Variants in CSMD1 observed in about 807,000 individuals in gnomAD.
CSMD1 encodes CUB and sushi domain-containing protein 1.
In CSMD1, 213 loss-of-function variants were observed where a neutral mutation model predicts 417.5. The observed-to-expected ratio is 0.51, with a 90% confidence interval of 0.46 to 0.57. The LOEUF (loss-of-function observed/expected upper bound fraction) is 0.57. Ranked by LOEUF, CSMD1 falls within the 20% of genes least tolerant of loss-of-function variation. CSMD1 has a pLI of 0.00. For missense variants in CSMD1, 6,923 were observed against 4,529.7 expected (o/e 1.53, Z -15.17); for synonymous variants, 2,862 against 1,736.8 (o/e 1.65, Z -16.11).
intron 3 of CSMD1, among the ~76,000 whole-genome samples, chr8:4,418,131 G>GT (rs1239673507): frequency 7.9e-5 from 12 of 151,436 alleles, no homozygotes; most frequent in South Asian, 6.2e-4. Flanking sequence ...TTTTTGACAG[G>GT]TTTTTTTCTT....
chr8:4,910,506 C>G (rs1433272130), intron 1 of CSMD1, among the ~76,000 whole-genome samples: 1 of 152,210 alleles, frequency 6.6e-6, no homozygotes, highest in African/African-American at 2.4e-5. Context: ...CACCTTCCCG[C>G]TGTGTTTTCC....
intron 4 of CSMD1, among the ~76,000 whole-genome samples, chr8:4,017,973 A>C (rs1585140246): frequency 6.6e-6 from 1 of 152,280 alleles, no homozygotes; most frequent in East Asian, 1.9e-4. Context: ...ATGCATTTAT[A>C]CATGTTGCAT....
intron 1 of CSMD1, among the ~76,000 whole-genome samples, chr8:4,931,663 C>T (rs1807259782): frequency 6.6e-6 from 1 of 152,116 alleles, no homozygotes; most frequent in Non-Finnish European, 1.5e-5. Flanking sequence ...GATTAGATAC[C>T]TATTTGTGTT....
At chr8:3,876,329 C>A (rs1490673670) in intron 5 of CSMD1, among the ~76,000 whole-genome samples, 15 of 152,048 alleles carry the variant, frequency 9.9e-5, no homozygotes, top group African/African-American at 3.4e-4. Flanking sequence ...ATTTCAAAGC[C>A]CAGGATGACT....
chr8:3,830,197 G>C (rs1000637401), intron 5 of CSMD1, among the ~76,000 whole-genome samples: 4 of 152,156 alleles, frequency 2.6e-5, no homozygotes, highest in Admixed American at 6.5e-5. Flanking sequence ...AGTGGAACAA[G>C]GATTGTTTGA....
chr8:3,659,463 G>A (rs770720177), intron 7 of CSMD1, among the ~76,000 whole-genome samples: 7 of 152,116 alleles, frequency 4.6e-5, no homozygotes, highest in African/African-American at 1.4e-4. Flanking sequence ...TCAAATCTCC[G>A]AAACACAGAA....
chr8:4,769,572 T>A (rs965617645), intron 1 of CSMD1, among the ~76,000 whole-genome samples: 4 of 152,202 alleles, frequency 2.6e-5, no homozygotes, highest in Non-Finnish European at 5.9e-5. Flanking sequence ...ATTTTGCCAA[T>A]GTTGCAAAAT....
intron 3 of CSMD1, among the ~76,000 whole-genome samples, chr8:4,151,690 C>T (rs911807195): frequency 6.6e-6 from 1 of 152,152 alleles, no homozygotes; most frequent in South Asian, 2.1e-4. Flanking sequence ...AAAAATCCAA[C>T]TGATTTCCTC....
intron 10 of CSMD1, among the ~76,000 whole-genome samples, chr8:3,529,212 T>C (rs1410016424): frequency 7.2e-5 from 11 of 152,104 alleles, no homozygotes; most frequent in Non-Finnish European, 1.5e-5. Flanking sequence ...AAGTCAAGAG[T>C]TGTGTTATTA....
In CSMD1 at chr8:4,024,730, G is replaced by A. The variant is rs145839196; in HGVS notation, c.610+7175C>T. Among the ~76,000 whole-genome samples, 203 of 152,272 alleles carry A rather than the reference G, an allele frequency of 1.3e-3. 2 individuals are homozygous for A. The highest frequency in any genetic ancestry group is 6.9e-3 in the East Asian group (36 of 5,184). ...TGGTGGTTCATTGGAGTTGCACATA[G>A]GAGCTACTGCAGGCCGCTCTGTGAA... On this transcript the variant is annotated intron_variant, in intron 4 of 69. Coordinates refer to ENST00000635120, the MANE Select transcript of CSMD1 (RefSeq NM_033225.6).
At chr8:3,750,946 C>T (rs908949523) in intron 6 of CSMD1, among the ~76,000 whole-genome samples, 3 of 152,142 alleles carry the variant, frequency 2.0e-5, no homozygotes, top group African/African-American at 7.2e-5. Context: ...CATGCGCCCT[C>T]TAAGATTCCT....
At position 4,340,790 on chromosome 8, in the gene CSMD1, C is replaced by G. The variant is rs576842873; in HGVS notation, c.415+79163G>C. 7.2e-5 allele frequency among the ~76,000 whole-genome samples: 11 copies of G among 152,186 alleles called. No homozygotes were observed. The South Asian group carries it at 1.0e-3, about 14-fold the overall frequency. ...TCAAGCAAACTCATAATGGTTGCTT[C>G]TAGAGAGTTAACTATGCTGCTTACC... On this transcript the variant is annotated intron_variant, in intron 3 of 69. Transcript: ENST00000635120.
intron 5 of CSMD1, among the ~76,000 whole-genome samples, chr8:3,798,211 T>C (rs1329295399): frequency 6.6e-6 from 1 of 152,102 alleles, no homozygotes; most frequent in Non-Finnish European, 1.5e-5. Flanking sequence ...AGTTCATTTC[T>C]GTATGAAATG....
chr8:3,531,617 A>T (rs1349325545), intron 10 of CSMD1, among the ~76,000 whole-genome samples: 3 of 152,184 alleles, frequency 2.0e-5, no homozygotes, highest in Non-Finnish European at 2.9e-5. Context: ...GGTCCACTCC[A>T]GGTTATGTGT....
chr8:2,965,669 C>T, intron 59 of CSMD1, 106 bp downstream of exon 59: 1 of 881,490 alleles, frequency 1.1e-6, no homozygotes, highest in Non-Finnish European at 1.7e-6. Context: ...TTCAAGAATT[C>T]CTAGCCCCTA....
chr8:3,275,513 C>A (rs1314705620), intron 26 of CSMD1, among the ~76,000 whole-genome samples: 1 of 152,176 alleles, frequency 6.6e-6, no homozygotes, highest in Non-Finnish European at 1.5e-5. Context: ...GGATAATATC[C>A]TGCAGAGTGT....
intron 1 of CSMD1, among the ~76,000 whole-genome samples, chr8:4,958,815 T>C (rs1032320306): frequency 3.9e-5 from 6 of 152,310 alleles, no homozygotes; most frequent in Non-Finnish European, 7.4e-5. Flanking sequence ...ATATATCCCA[T>C]GCTTCTGACA....
At chr8:3,913,843 C>T (rs747815315) in intron 5 of CSMD1, among the ~76,000 whole-genome samples, 5 of 152,094 alleles carry the variant, frequency 3.3e-5, no homozygotes, top group Non-Finnish European at 7.4e-5. Flanking sequence ...GTCTAATCAC[C>T]TTGACTTTCC....
At chr8:3,230,759 G>A (rs1008895093) in intron 26 of CSMD1, among the ~76,000 whole-genome samples, 1 of 152,042 alleles carries the variant, frequency 6.6e-6, no homozygotes, top group Non-Finnish European at 1.5e-5. Flanking sequence ...ACATTGCCAC[G>A]GCAAAATTAT....
Sources: allele counts gnomAD v4.1 joint callset (sites outside exome capture counted in the v4.1 genomes callset), GRCh38; gene constraint gnomAD v4.1.1; transcripts MANE v1.5; gene names NCBI Gene and HGNC (gene_info 2026-07-23, HGNC 2026-07-21).